Variants in PTGR1 observed in about 807,000 individuals in gnomAD.
PTGR1 encodes the protein 15-oxoprostaglandin 13-reductase.
Under a neutral mutation model 37.7 loss-of-function variants are expected in PTGR1, and 23 were observed. That is an observed-to-expected ratio of 0.61 (90% CI 0.44 to 0.86). The LOEUF (loss-of-function observed/expected upper bound fraction) is 0.86. Ranked by LOEUF, PTGR1 falls within the 40% of genes least tolerant of loss-of-function variation. The pLI, the probability that PTGR1 is intolerant of heterozygous loss-of-function variation, is 0.00. For missense variants in PTGR1, 351 were observed against 394.3 expected (o/e 0.89, Z 0.93); for synonymous variants, 134 against 140.0 (o/e 0.96, Z 0.30).
chr9:111,594,199 T>C, intron 3 of PTGR1, 23 bp downstream of exon 3: 1 of 1,600,712 alleles, frequency 6.2e-7, no homozygotes, highest in Non-Finnish European at 8.6e-7. Context: ...CATTAGCATT[T>C]TGAGGGGCGA....
intron 9 of PTGR1, among the ~76,000 whole-genome samples, chr9:111,568,506 T>C (rs1341966590): frequency 6.6e-6 from 1 of 152,212 alleles, no homozygotes; most frequent in East Asian, 1.9e-4. Flanking sequence ...ACATAGACCC[T>C]TATCAGTAAT....
chr9:111,597,780 T>C lies in PTGR1; in HGVS notation c.-10-348A>G, dbSNP rs372699523. ...AGCCACTGCTAGGCTAGAGTTTCTC[T>C]ACGGCACTGAACAGTTACCGGAAGT... is the stretch of plus-strand genomic sequence containing the variant. On this transcript the variant is annotated intron_variant, in intron 1 of 9. Transcript: ENST00000407693. Among the ~76,000 whole-genome samples the C allele has an allele frequency of 4.6e-5, 7 of 152,348 alleles. No individual in the cohort carries two copies. In the South Asian group the frequency reaches 1.4e-3, roughly 32 times the overall value.
intron 1 of PTGR1, among the ~76,000 whole-genome samples, chr9:111,598,443 CA>C: frequency 6.6e-6 from 1 of 152,300 alleles, no homozygotes; most frequent in East Asian, 1.9e-4. Flanking sequence ...GCGAGGGAGC[CA>C]GGGGGGCGGT....
intron 9 of PTGR1, among the ~76,000 whole-genome samples, chr9:111,553,859 A>C (rs771948720): frequency 3.3e-5 from 5 of 152,214 alleles, no homozygotes; most frequent in Non-Finnish European, 7.3e-5. Flanking sequence ...GAACCCAACA[A>C]ATTGGAGTAG....
At position 111,563,076 on chromosome 9, in the gene PTGR1, T is replaced by G. The variant is rs577907195; in HGVS notation, c.*45A>C. 1.6e-4 allele frequency: 248 copies of G among 1,599,268 alleles called. 5 individuals are homozygous for G. In the South Asian group the frequency reaches 2.6e-3, roughly 16 times the overall value. ...TTTTGCTAAATGGTGAAAAACAAAT[T>G]AACTAATCATCTAAATGGCCTCCAG... On this transcript the variant is annotated 3_prime_UTR_variant, in exon 10 of 10. Transcript: ENST00000407693.
intron 1 of PTGR1, among the ~76,000 whole-genome samples, chr9:111,598,952 C>G (rs886925796): frequency 4.6e-5 from 7 of 152,312 alleles, no homozygotes; most frequent in South Asian, 2.1e-4. Flanking sequence ...CCATTCCCCC[C>G]CGAACCCGCT....
At chr9:111,549,864 C>T in intron 9 of PTGR1, 1 of 1,019,526 alleles carries the variant, frequency 9.8e-7, no homozygotes. Flanking sequence ...TAAAGTCTGT[C>T]TAGTGAGTCA....
chr9:111,599,273 A>C (rs544912446), intron 1 of PTGR1: 1 of 150,632 alleles, frequency 6.6e-6, no homozygotes, highest in South Asian at 2.1e-4. Flanking sequence ...TTCTTCTTCT[A>C]CCCTCCCCCA....
At chr9:111,585,885 C>T (rs1344390590) in intron 5 of PTGR1, 113 bp downstream of exon 5, 1 of 1,243,108 alleles carries the variant, frequency 8.0e-7, no homozygotes, top group African/African-American at 1.5e-5. Flanking sequence ...CTGATCAGCC[C>T]CTGAGCCTAT....
chr9:111,595,045 G>C (rs1167836888), intron 2 of PTGR1, among the ~76,000 whole-genome samples: 1 of 151,714 alleles, frequency 6.6e-6, no homozygotes, highest in Non-Finnish European at 1.5e-5. Flanking sequence ...AGTAGGGACG[G>C]GGTTTCACCA....
At chr9:111,560,956 TATATATATATATATATATAGAGAG>T (rs1828270132), downstream of PTGR1, among the ~76,000 whole-genome samples, 1 of 38,928 alleles carries the variant, frequency 2.6e-5, no homozygotes, top group African/African-American at 1.2e-4. Flanking sequence ...TATATATATA[TATATATATATATATATATAGAGAG>T]AGAGAGAGAG....
intron 4 of PTGR1, among the ~76,000 whole-genome samples, chr9:111,588,628 C>T (rs1041712730): frequency 1.2e-4 from 18 of 151,986 alleles, no homozygotes; most frequent in African/African-American, 3.6e-4. Flanking sequence ...CAGGTTCAAG[C>T]AATTCTCGTC....
intron 8 of PTGR1, among the ~76,000 whole-genome samples, chr9:111,573,893 G>T (rs1047683059): frequency 1.3e-5 from 2 of 152,118 alleles, no homozygotes; most frequent in Non-Finnish European, 2.9e-5. Context: ...GGAATGGAGC[G>T]CATGGCAGGG....
At chr9:111,576,063 G>A (rs1272364029) in intron 7 of PTGR1, among the ~76,000 whole-genome samples, 1 of 152,040 alleles carries the variant, frequency 6.6e-6, no homozygotes, top group African/African-American at 2.4e-5. Flanking sequence ...GGGAGGCTGA[G>A]GCAGGAGGTT....
chr9:111,561,263 TTTG>T (rs935800681), downstream of PTGR1, among the ~76,000 whole-genome samples: 43 of 151,246 alleles, frequency 2.8e-4, no homozygotes, highest in African/African-American at 1.0e-3. Context: ...TAATGTTGCT[TTTG>T]TTGTTGTTTT....
chr9:111,590,387 C>G (rs775262456), intron 4 of PTGR1, among the ~76,000 whole-genome samples: 4 of 151,776 alleles, frequency 2.6e-5, no homozygotes, highest in Non-Finnish European at 5.9e-5. Context: ...GAGACCAAGT[C>G]TCACTCTGTT....
At chr9:111,580,345 T>A (rs1406772747) in intron 6 of PTGR1, among the ~76,000 whole-genome samples, 1 of 152,234 alleles carries the variant, frequency 6.6e-6, no homozygotes, top group Non-Finnish European at 1.5e-5. Flanking sequence ...TATAAGAGAA[T>A]GATACCACTC....
At chr9:111,599,146 C>A (rs967942114) in intron 1 of PTGR1, among the ~76,000 whole-genome samples, 1 of 152,186 alleles carries the variant, frequency 6.6e-6, no homozygotes, top group African/African-American at 2.4e-5. Flanking sequence ...AAGTCTCGCC[C>A]GCCCGAGGAG....
Position 111,597,381 on chromosome 9 carries a change from A to G in PTGR1, c.42T>C (p.Val14=). 1 of 1,613,702 alleles carries G rather than the reference A, an allele frequency of 6.2e-7. No homozygotes were observed. The highest frequency in any genetic ancestry group is 1.1e-5 in the South Asian group (1 of 90,944). ...TKTWTLKKHF[V]GYPTNSDFEL... is the part of the protein sequence containing the mutation. ...CAAAGTCACTATTAGTAGGATAGCCAACAAAGTGCTTCTTCAGGGTCCATG... is the reference window on the plus strand; with the variant it reads ...CAAAGTCACTATTAGTAGGATAGCCGACAAAGTGCTTCTTCAGGGTCCATG... Residue 14 remains valine, a synonymous_variant, in exon 2 of 10, where the codon GTT becomes GTC. Transcript: ENST00000407693.
Sources: allele counts gnomAD v4.1 joint callset (sites outside exome capture counted in the v4.1 genomes callset), GRCh38; gene constraint gnomAD v4.1.1; transcripts MANE v1.5; gene names NCBI Gene and HGNC (gene_info 2026-07-23, HGNC 2026-07-21).